The following PSMD11 variants were observed in gnomAD, a reference collection of about 807,000 sequenced individuals.
The protein encoded by PSMD11 is 26S proteasome non-ATPase regulatory subunit 11.
A neutral mutation model predicts 62.3 loss-of-function variants in PSMD11; 5 were observed. The ratio of observed to expected loss-of-function variants is 0.08; its 90% CI spans 0.04 to 0.17. PSMD11 has a LOEUF of 0.17. Among genes scored for constraint, PSMD11 ranks in the 10% least tolerant of loss-of-function variants. The probability of loss-of-function intolerance (pLI) is 1.00; values close to 1 mark genes in which losing one functional copy is unlikely to be tolerated. For synonymous variants in PSMD11, 191 were observed against 191.8 expected (o/e 1.00, Z 0.03); for missense variants, 310 against 512.9 (o/e 0.60, Z 3.82).
rs202027334 is a variant in PSMD11 at position 32,464,594 on chromosome 17, A to G, written c.448+16A>G. 97 of 1,587,508 alleles carry G rather than the reference A, an allele frequency of 6.1e-5. No homozygotes were observed. In the Middle Eastern group the frequency reaches 8.3e-4, roughly 14 times the overall value. On this transcript the variant is annotated intron_variant, in intron 5 of 13. Transcript: ENST00000261712. ...TTGCATTTGGGTAAGTAAGCTGGTAATAAGTCATCTCAGCTAGCTAAATGA... is the reference window on the plus strand; with the variant it reads ...TTGCATTTGGGTAAGTAAGCTGGTAGTAAGTCATCTCAGCTAGCTAAATGA...
At chr17:32,480,098 C>G in intron 11 of PSMD11, 48 bp from the exon 12 acceptor site, 1 of 1,587,828 alleles carries the variant, frequency 6.3e-7, no homozygotes, top group Non-Finnish European at 8.6e-7. Context: ...TCAGGGTGAT[C>G]TCTGACTAGT....
intron 6 of PSMD11, among the ~76,000 whole-genome samples, chr17:32,470,167 C>G (rs1908122602): frequency 6.6e-6 from 1 of 151,984 alleles, no homozygotes; most frequent in South Asian, 2.1e-4. Context: ...AGCGCGACAC[C>G]ATGCCAAGCT....
At chr17:32,466,716 CTAAG>C (rs1234147098) in intron 5 of PSMD11, among the ~76,000 whole-genome samples, 1 of 152,184 alleles carries the variant, frequency 6.6e-6, no homozygotes, top group African/African-American at 2.4e-5. Context: ...TAAGGAGCTG[CTAAG>C]TAAGCTGTTT....
chr17:32,467,164 C>T lies in PSMD11; in HGVS notation c.449-1835C>T, dbSNP rs561926379. On this transcript the variant is annotated intron_variant, in intron 5 of 13. Transcript: ENST00000261712. The stretch of plus-strand genomic sequence containing the variant: ...TTCACCATGTTGGCCAGCCTGGTCT[C>T]GAACTCTTGACTTAGTGATCTGCCC... 5.3e-5 allele frequency among the ~76,000 whole-genome samples: 8 copies of T among 151,712 alleles called. No individual in the cohort carries two copies. The South Asian group carries it at 1.0e-3, about 20-fold the overall frequency.
intron 6 of PSMD11, among the ~76,000 whole-genome samples, chr17:32,473,272 C>T (rs1908224279): frequency 6.6e-6 from 1 of 151,474 alleles, no homozygotes; most frequent in African/African-American, 2.4e-5. Context: ...GAGTGAACCC[C>T]TGCACCTGGC....
At chr17:32,470,529 T>C (rs9895196) in intron 6 of PSMD11, among the ~76,000 whole-genome samples, 151,877 of 152,262 alleles carry the variant, frequency 1, 75,746 homozygotes, top group Middle Eastern at 1. Context: ...CCAGGCTGGC[T>C]GCACGCCTCT....
chr17:32,460,870 A>T (rs1907815288), intron 3 of PSMD11, among the ~76,000 whole-genome samples: 2 of 152,006 alleles, frequency 1.3e-5, no homozygotes, highest in African/African-American at 4.8e-5. Context: ...TGGAGCCTAG[A>T]AAGTGAGGGC....
intron 3 of PSMD11, among the ~76,000 whole-genome samples, chr17:32,461,259 C>T (rs940089369): frequency 1.3e-5 from 2 of 151,684 alleles, no homozygotes; most frequent in Non-Finnish European, 2.9e-5. Context: ...TTGTATTTTT[C>T]GTAGAGATGG....
In PSMD11 at chr17:32,453,985, A is replaced by G. The variant is rs894983072; in HGVS notation, c.194-510A>G. 4.6e-5 allele frequency among the ~76,000 whole-genome samples: 7 copies of G among 152,216 alleles called. No homozygotes were observed. The East Asian group carries it at 1.3e-3, about 29-fold the overall frequency. On this transcript the variant is annotated intron_variant, in intron 2 of 13. Transcript: ENST00000261712. Reference sequence around the variant, plus strand: ...AGGGAAGTGACAATGCAGAAAGGCTAAACTGGGGAGCACTGCAGAAAGACA... The same window carrying G: ...AGGGAAGTGACAATGCAGAAAGGCTGAACTGGGGAGCACTGCAGAAAGACA...
At chr17:32,449,029 A>G (rs1003559461) in intron 2 of PSMD11, among the ~76,000 whole-genome samples, 4 of 152,176 alleles carry the variant, frequency 2.6e-5, no homozygotes, top group Non-Finnish European at 5.9e-5. Context: ...GGGTTCCAAA[A>G]CAGTTTTGAT....
intron 3 of PSMD11, among the ~76,000 whole-genome samples, chr17:32,457,968 T>G (rs1043375730): frequency 3.0e-4 from 46 of 151,992 alleles, no homozygotes; most frequent in African/African-American, 1.1e-3. Flanking sequence ...ACCTGGCTAA[T>G]TTTTGTATTT....
intron 3 of PSMD11, among the ~76,000 whole-genome samples, chr17:32,459,714 G>A (rs989490950): frequency 1.3e-5 from 2 of 152,096 alleles, no homozygotes; most frequent in Non-Finnish European, 2.9e-5. Flanking sequence ...CTCCCAGGCT[G>A]GAGTGCAGTG....
chr17:32,448,662 T>C (rs1199556795), intron 2 of PSMD11, among the ~76,000 whole-genome samples: 1 of 152,202 alleles, frequency 6.6e-6, no homozygotes, highest in Admixed American at 6.5e-5. Flanking sequence ...TGTGAGCCAC[T>C]GCACCTGGCC....
chr17:32,472,647 C>T (rs983724964), intron 6 of PSMD11, among the ~76,000 whole-genome samples: 4 of 151,820 alleles, frequency 2.6e-5, no homozygotes, highest in Non-Finnish European at 5.9e-5. Flanking sequence ...AAGAGATTCT[C>T]CTGCCTCAGC....
At position 32,460,597 on chromosome 17, in the gene PSMD11, C is replaced by G. The variant is rs1180223817; in HGVS notation, c.319-3452C>G. ...GACTATCCTGGCTAACACGGTGAAA[C>G]CTTGTCTCTACTAAAAATACAAAAA... is the stretch of plus-strand genomic sequence containing the variant. On this transcript the variant is annotated intron_variant, in intron 3 of 13. Transcript: ENST00000261712. Among the ~76,000 whole-genome samples the G allele has an allele frequency of 7.2e-5, 11 of 152,052 alleles. No homozygotes were observed. In the South Asian group the frequency reaches 1.9e-3, roughly 26 times the overall value.
rs1456440284 is a variant in PSMD11, at chr17:32,483,205, G to A, written c.*2453G>A. The A allele has an allele frequency of 4.6e-5, 7 of 152,182 alleles. No homozygotes were observed. Among genetic ancestry groups the A allele is most frequent in the Non-Finnish European group, 8.8e-5 (6 of 68,018 alleles). The allele number at this position is 152,182 out of a possible 1,614,324, so 9.4% of individuals were successfully genotyped here. ...CAAGTGTAAACACAAACCAGACTTC[G>A]AAGGCTTAGTATGATAACAAAAGAA... On this transcript the variant is annotated 3_prime_UTR_variant, in exon 14 of 14. Transcript: ENST00000261712.
chr17:32,455,582 T>G (rs982649683), intron 3 of PSMD11, among the ~76,000 whole-genome samples: 3 of 152,228 alleles, frequency 2.0e-5, no homozygotes, highest in Admixed American at 6.5e-5. Context: ...CTAGGACACA[T>G]GGATCCTACT....
intron 3 of PSMD11, among the ~76,000 whole-genome samples, chr17:32,459,890 G>A (rs1052028895): frequency 1.3e-5 from 2 of 152,162 alleles, no homozygotes; most frequent in Non-Finnish European, 2.9e-5. Flanking sequence ...GCCTCCCAAA[G>A]TGCCTGGTTT....
At chr17:32,480,721 C>G in intron 13 of PSMD11, 32 bp from the exon 14 acceptor site, 1 of 1,442,154 alleles carries the variant, frequency 6.9e-7, no homozygotes, top group Non-Finnish European at 9.5e-7. Context: ...CTCATGGCTT[C>G]CTGATTGACA....
Sources: gnomAD v4.1 joint callset for allele counts (sites outside exome capture counted in the v4.1 genomes callset) on GRCh38, gnomAD v4.1.1 for gene constraint, MANE v1.5 for transcripts, NCBI Gene and HGNC (gene_info 2026-07-23, HGNC 2026-07-21) for gene names.